The following PDXK variants were observed in gnomAD, a reference collection of about 807,000 sequenced individuals.
PDXK encodes pyridoxal kinase, also known as epididymis secretory sperm binding protein Li 1a.
Under a neutral mutation model 43.2 loss-of-function variants are expected in PDXK, and 15 were observed. That is an observed-to-expected ratio of 0.35 (90% CI 0.23 to 0.53). The LOEUF (loss-of-function observed/expected upper bound fraction) is 0.53, where lower values mean the gene tolerates loss of function less well. PDXK is among the 20% of genes least tolerant of loss of function. PDXK has a pLI of 0.92. For missense variants in PDXK, 343 were observed against 417.0 expected, an observed-to-expected ratio of 0.82 and a Z score of 1.54; for synonymous variants, 172 against 165.4, an observed-to-expected ratio of 1.04 and a Z score of -0.31.
In PDXK at chr21:43,737,549, T is replaced by C; in HGVS notation, c.142+3426T>C. On this transcript the variant is annotated intron_variant, in intron 2 of 10. Transcript: ENST00000291565. This position sits in a 1 kb window ranked among gnomAD's most constrained non-coding sequence, Gnocchi z 4.8. ...GTGGACGGGTTGCGCTGTCCTGGCT[T>C]TCGGAGTGTAGAGCCAGAGGGGATG... is the stretch of plus-strand genomic sequence containing the variant. The C allele has an allele frequency of 9.9e-7, 1 of 1,009,976 alleles. No individual in the cohort carries two copies. Among genetic ancestry groups the C allele is most frequent in the South Asian group, 4.0e-5 (1 of 25,156 alleles). 62.6% of individuals were successfully genotyped at this position (1,009,976 alleles called of 1,614,324 possible).
At chr21:43,741,150 G>A (rs1305808561) in intron 2 of PDXK, 1 of 18,148 alleles carries the variant, frequency 5.5e-5, no homozygotes, top group Non-Finnish European at 9.3e-5. Flanking sequence ...GACAGTGCAG[G>A]GGCGGGGGGC....
intron 3 of PDXK, among the ~76,000 whole-genome samples, chr21:43,742,438 T>C (rs780108946): frequency 6.6e-6 from 1 of 152,052 alleles, no homozygotes; most frequent in Non-Finnish European, 1.5e-5. Flanking sequence ...CACCCTAGCC[T>C]CCCAAAGTGC....
chr21:43,746,715 A>G (rs1424917728), intron 5 of PDXK, among the ~76,000 whole-genome samples: 1 of 151,772 alleles, frequency 6.6e-6, no homozygotes, highest in African/African-American at 2.4e-5. Context: ...CACCACGCCC[A>G]GCCATGGATG....
chr21:43,756,673 A>C lies in PDXK; in HGVS notation c.*610A>C, dbSNP rs1232463342. On this transcript the variant is annotated 3_prime_UTR_variant, in exon 11 of 11. Coordinates refer to ENST00000291565, the MANE Select transcript of PDXK (RefSeq NM_003681.5). ...GGAGGGTTGATGTGAGCTTGCTTGG[A>C]GACACACGGTGCAGCATCAGGGACC... 1 of 152,582 alleles carries C rather than the reference A, an allele frequency of 6.6e-6. No homozygotes were observed. Among genetic ancestry groups the C allele is most frequent in the African/African-American group, 2.4e-5 (1 of 41,418 alleles). The allele number at this position is 152,582 out of a possible 1,614,324, so 9.5% of individuals were successfully genotyped here. A position where few individuals can be genotyped will look rare whatever the true frequency, so the allele number is the denominator to read the frequency against.
At chr21:43,727,497 G>A (rs960220365) in intron 1 of PDXK, among the ~76,000 whole-genome samples, 5 of 152,134 alleles carry the variant, frequency 3.3e-5, no homozygotes, top group African/African-American at 9.7e-5. Context: ...CCACTCCTCC[G>A]GCAGCTTTCC....
chr21:43,719,377 T>C lies in PDXK; in HGVS notation c.83T>C (p.Leu28Pro). The C allele has an allele frequency of 3.3e-6, 5 of 1,523,160 alleles. No individual in the cohort carries two copies. Among genetic ancestry groups the C allele is most frequent in the Non-Finnish European group, 4.4e-6 (5 of 1,136,300 alleles). 94.4% of individuals were successfully genotyped at this position (1,523,160 alleles called of 1,614,324 possible). A position where few individuals can be genotyped will look rare whatever the true frequency, so the allele number is the denominator to read the frequency against. The change falls in exon 1 of 11, where the codon CTG (leucine) becomes CCG (proline). Residue 28 changes from leucine to proline, a missense_variant. Transcript: ENST00000291565. Reference protein sequence around the residue: ...YVGNRAATFPLQVLGFEIDAV... With the variant: ...YVGNRAATFPPQVLGFEIDAV... ...GGCAACCGGGCGGCCACGTTCCCGC[T>C]GCAGGTACGCATCCGCCCGCAGCCC...
At position 43,719,255 on chromosome 21, in the gene PDXK, G is replaced by A. The variant is rs755805709; in HGVS notation, c.-40G>A. On this transcript the variant is annotated 5_prime_UTR_variant, in exon 1 of 11. Coordinates refer to ENST00000291565, the MANE Select transcript of PDXK (RefSeq NM_003681.5). ...AGCCCGAGCGAGCGGCGGAGACCGT[G>A]CCCCCGCCTCGGCCCCGCGCCGCCG... 1.6e-6 allele frequency: 2 copies of A among 1,243,538 alleles called. No homozygotes were observed. The highest frequency in any genetic ancestry group is 3.7e-5 in the South Asian group (2 of 54,634). 77.0% of individuals were successfully genotyped at this position (1,243,538 alleles called of 1,614,324 possible). A position where few individuals can be genotyped will look rare whatever the true frequency, so the allele number is the denominator to read the frequency against.
At chr21:43,753,760 G>A (rs754200347) in intron 9 of PDXK, 41 bp downstream of exon 9, 40 of 1,574,748 alleles carry the variant, frequency 2.5e-5, no homozygotes, top group South Asian at 3.5e-5. Flanking sequence ...CCACTCCCAC[G>A]GCACCTCATG....
chr21:43,745,805 T>C, intron 4 of PDXK: 1 of 440,704 alleles, frequency 2.3e-6, no homozygotes, highest in Non-Finnish European at 4.2e-6. Flanking sequence ...AAAACCAGCC[T>C]CGGCAACATG....
In PDXK at chr21:43,741,509, A is replaced by C. The variant is rs371733941; in HGVS notation, c.143-158A>C. On this transcript the variant is annotated intron_variant, in intron 2 of 10. Coordinates refer to ENST00000291565, the MANE Select transcript of PDXK (RefSeq NM_003681.5). ...ATGTGGGCAGCCGTTGGGACCTGCC[A>C]AGCACTGCGCCTAGTGATCTCCTTC... 416 of 1,435,062 alleles carry C rather than the reference A, an allele frequency of 2.9e-4. 3 individuals carry two copies. The African/African-American group carries it at 5.6e-3, about 19-fold the overall frequency. 88.9% of individuals were successfully genotyped at this position (1,435,062 alleles called of 1,614,324 possible). A position where few individuals can be genotyped will look rare whatever the true frequency, so the allele number is the denominator to read the frequency against.
chr21:43,755,982 C>T lies in PDXK; in HGVS notation c.858C>T (p.Pro286=), dbSNP rs1266218614. ...CCGGGGAAGGAGTGAGGCCCAGCCCCATGCAGCTGGAGCTGCGGATGGTGC... is the reference window on the plus strand; with the variant it reads ...CCGGGGAAGGAGTGAGGCCCAGCCCTATGCAGCTGGAGCTGCGGATGGTGC... ...AQAGEGVRPS[P]MQLELRMVQS... The change falls in exon 11 of 11, where the codon CCC becomes CCT. Residue 286 remains proline, a synonymous_variant. Transcript: ENST00000291565. The T allele has an allele frequency of 6.2e-7, 1 of 1,612,736 alleles. No homozygotes were observed. The highest frequency in any genetic ancestry group is 1.3e-5 in the African/African-American group (1 of 74,896).
chr21:43,741,629 C>G, intron 2 of PDXK, 38 bp from the exon 3 acceptor site: 2 of 1,601,672 alleles, frequency 1.2e-6, no homozygotes, highest in Non-Finnish European at 1.7e-6. Flanking sequence ...CAGCTGGCCC[C>G]CTTGTGTCTG....
At chr21:43,736,564 G>A (rs1038849206) in intron 2 of PDXK, among the ~76,000 whole-genome samples, 15 of 152,186 alleles carry the variant, frequency 9.9e-5, no homozygotes, top group African/African-American at 3.6e-4. Flanking sequence ...TTGGCAGGGA[G>A]CTGGGATGAT....
chr21:43,730,937 A>G (rs2083309387), intron 1 of PDXK, among the ~76,000 whole-genome samples: 1 of 152,238 alleles, frequency 6.6e-6, no homozygotes. Flanking sequence ...CCTGGGTGAT[A>G]GAGTGAGACC....
chr21:43,733,635 G>A, intron 1 of PDXK: 1 of 1,053,792 alleles, frequency 9.5e-7, no homozygotes, highest in Non-Finnish European at 1.1e-6. Flanking sequence ...TTCTTCCAAG[G>A]GGTGGGGTAG....
rs758463498 is a variant in PDXK at position 43,753,731 on chromosome 21, G to T, written c.759+12G>T. 2.5e-6 allele frequency: 4 copies of T among 1,605,050 alleles called. No homozygotes were observed. The highest frequency in any genetic ancestry group is 4.5e-5 in the East Asian group (2 of 44,472). On this transcript the variant is annotated intron_variant, in intron 9 of 10. Coordinates refer to ENST00000291565, the MANE Select transcript of PDXK (RefSeq NM_003681.5). Reference sequence around the variant, plus strand: ...CCAATAACCTCAAGGTCAGCCACACGCACCGCTCCCCTCCTCGCCCACTCC... The same window carrying T: ...CCAATAACCTCAAGGTCAGCCACACTCACCGCTCCCCTCCTCGCCCACTCC...
chr21:43,749,581 G>A lies in PDXK; in HGVS notation c.464+501G>A, dbSNP rs184572746. On this transcript the variant is annotated intron_variant, in intron 6 of 10. Coordinates refer to ENST00000291565, the MANE Select transcript of PDXK (RefSeq NM_003681.5). Reference sequence around the variant, plus strand: ...TTGATACTGGAGCAGGATGTGGTGGGGGCGCCTGGGTTGGAGAAGCCCCTG... The same window carrying A: ...TTGATACTGGAGCAGGATGTGGTGGAGGCGCCTGGGTTGGAGAAGCCCCTG... Among the ~76,000 whole-genome samples the A allele has an allele frequency of 8.5e-5, 13 of 152,388 alleles. 1 individual carries two copies. Among genetic ancestry groups the A allele is most frequent in the Admixed American group, 8.5e-4 (13 of 15,314 alleles).
chr21:43,752,503 C>T lies in PDXK; in HGVS notation c.511-15C>T, dbSNP rs557623579. On this transcript the variant is annotated splice_polypyrimidine_tract_variant and intron_variant, in intron 7 of 10. Transcript: ENST00000291565. ...TGTGACCGGCCGTGGCTGACGCTCCCTGTGCCACTGCTAGGTGATGGACAT... is the reference window on the plus strand; with the variant it reads ...TGTGACCGGCCGTGGCTGACGCTCCTTGTGCCACTGCTAGGTGATGGACAT... The T allele has an allele frequency of 4.0e-5, 63 of 1,580,136 alleles. No individual in the cohort carries two copies. The South Asian group carries it at 5.7e-4, about 14-fold the overall frequency.
chr21:43,752,822 C>A (rs560911454), intron 8 of PDXK, among the ~76,000 whole-genome samples, 193 bp downstream of exon 8: 5 of 152,302 alleles, frequency 3.3e-5, no homozygotes, highest in African/African-American at 1.2e-4. Flanking sequence ...CGATGAATGG[C>A]CTGGCTGGAA....
Sources: allele counts gnomAD v4.1 joint callset (sites outside exome capture counted in the v4.1 genomes callset), GRCh38; gene constraint gnomAD v4.1.1; non-coding constraint Gnocchi (gnomAD v3.1); transcripts MANE v1.5; gene names NCBI Gene and HGNC (gene_info 2026-07-23, HGNC 2026-07-21).